TEX15: variants seen among roughly 807,000 people sequenced by gnomAD.
TEX15 encodes testis-expressed protein 15.
Under a neutral mutation model 237.3 loss-of-function variants are expected in TEX15, and 171 were observed. That is an observed-to-expected ratio of 0.72 (90% CI 0.64 to 0.82). The LOEUF (loss-of-function observed/expected upper bound fraction) is 0.82. Ranked by LOEUF, TEX15 falls within the 40% of genes least tolerant of loss-of-function variation. TEX15 has a pLI of 0.00. For synonymous variants in TEX15, 1,338 were observed against 1,269.8 expected (o/e 1.05, Z -1.14); for missense variants, 3,750 against 3,646.5 (o/e 1.03, Z -0.73).
intron 4 of TEX15, among the ~76,000 whole-genome samples, chr8:30,872,873 A>G (rs1290764927): frequency 2.0e-5 from 3 of 152,228 alleles, no homozygotes; most frequent in African/African-American, 7.2e-5. Context: ...TTAGACTTTT[A>G]AAGTTTATAA....
chr8:30,863,888 T>C (rs553382867), intron 5 of TEX15, among the ~76,000 whole-genome samples: 2 of 151,654 alleles, frequency 1.3e-5, no homozygotes, highest in African/African-American at 2.4e-5. Flanking sequence ...CATTATTAGA[T>C]GAAATGTCCA....
chr8:30,892,240 A>C (rs1288235298), intron 2 of TEX15, among the ~76,000 whole-genome samples: 2 of 152,194 alleles, frequency 1.3e-5, no homozygotes, highest in Non-Finnish European at 2.9e-5. Flanking sequence ...GCATTTTTTA[A>C]AACAACCTTT....
In TEX15 at chr8:30,842,521, GA is replaced by G. The variant is rs935112884; in HGVS notation, c.7645del (p.Ser2549GlnfsTer3). 1 of 1,611,236 alleles carries G rather than the reference GA, an allele frequency of 6.2e-7. No individual in the cohort carries two copies. The highest frequency in any genetic ancestry group is 1.3e-5 in the African/African-American group (1 of 74,816). On this transcript the variant is annotated frameshift_variant, in exon 8 of 11. Coordinates refer to ENST00000643185, the MANE Select transcript of TEX15 (RefSeq NM_001350162.2). LOFTEE classifies it high-confidence loss of function. ...CTTCTTCAGAAGCTTTTTTATTTCT[GA>G]AAGTTCTTGAAGTTCTCTTGAGAGC... ...HLLSRELQEL[S>X]EIKKLLKKSK...
intron 1 of TEX15, among the ~76,000 whole-genome samples, chr8:30,907,701 C>A (rs1479909651): frequency 8.8e-5 from 10 of 114,070 alleles, no homozygotes; most frequent in South Asian, 2.7e-4. Flanking sequence ...ATATAAAATA[C>A]ATATAAATTA....
Position 30,846,809 on chromosome 8 carries a change from TG to T in TEX15, c.3357del (p.Thr1120GlnfsTer58). 1 of 1,613,932 alleles carries T rather than the reference TG, an allele frequency of 6.2e-7. No individual in the cohort carries two copies. The highest frequency in any genetic ancestry group is 8.5e-7 in the Non-Finnish European group (1 of 1,179,822). On this transcript the variant is annotated frameshift_variant, in exon 8 of 11. Coordinates refer to ENST00000643185, the MANE Select transcript of TEX15 (RefSeq NM_001350162.2). LOFTEE classifies it high-confidence loss of function. ...TGCTGATCACTATTCTCCCTTCCTGTGGTGCTTTCCAAAACTTCCATCTCCC... is the reference window on the plus strand; with the variant it reads ...TGCTGATCACTATTCTCCCTTCCTGTGTGCTTTCCAAAACTTCCATCTCCC... The part of the protein sequence containing the change: ...DNGEMEVLES[T>X]TGRENSDQHY...
chr8:30,911,981 G>C (rs915901822), intron 1 of TEX15, among the ~76,000 whole-genome samples: 25 of 152,296 alleles, frequency 1.6e-4, no homozygotes, highest in African/African-American at 5.5e-4. Flanking sequence ...AGAGCCACCA[G>C]GGCGAAGCAG....
At position 30,842,472 on chromosome 8, in the gene TEX15, A is replaced by G. The variant is rs1047460512; in HGVS notation, c.7695T>C (p.Tyr2565=). The G allele has an allele frequency of 1.9e-6, 3 of 1,613,286 alleles. No individual in the cohort carries two copies. The highest frequency in any genetic ancestry group is 1.1e-5 in the South Asian group (1 of 90,922). ...LKKSKYFIST[Y]IDFVPYIASI... is the part of the protein sequence containing the mutation. Reference sequence around the variant, plus strand: ...ATGCTATATATGGCACAAAGTCAATATATGTGGAAATAAAATACTTGGACT... The same window carrying G: ...ATGCTATATATGGCACAAAGTCAATGTATGTGGAAATAAAATACTTGGACT... Residue 2565 remains tyrosine, a synonymous_variant, in exon 8 of 11, where the codon TAT becomes TAC. Transcript: ENST00000643185.
At chr8:30,859,667 T>TCCTTCTC (rs1807998315) in intron 6 of TEX15, among the ~76,000 whole-genome samples, 1 of 152,174 alleles carries the variant, frequency 6.6e-6, no homozygotes, top group East Asian at 1.9e-4. Context: ...TGAAAGTTAG[T>TCCTTCTC]AATTAATCTA....
intron 5 of TEX15, among the ~76,000 whole-genome samples, chr8:30,862,034 C>CAGGCATTCTT (rs1808062152): frequency 6.6e-6 from 1 of 152,054 alleles, no homozygotes; most frequent in Non-Finnish European, 1.5e-5. Flanking sequence ...TGTGAGATAA[C>CAGGCATTCTT]AGGCATTCTT....
At position 30,838,697 on chromosome 8, in the gene TEX15, T is replaced by C. The variant is rs571508748; in HGVS notation, c.8223-636A>G. 2.0e-3 allele frequency among the ~76,000 whole-genome samples: 271 copies of C among 134,952 alleles called. 1 individual carries two copies. The highest frequency in any genetic ancestry group is 5.5e-3 in the African/African-American group (202 of 36,486). The allele number at this position is 134,952 out of a possible 152,430, so 88.5% of individuals were successfully genotyped here. A position where few individuals can be genotyped will look rare whatever the true frequency, so the allele number is the denominator to read the frequency against. On this transcript the variant is annotated intron_variant, in intron 9 of 10. Transcript: ENST00000643185. ...TAGGTCCCTGAGGTAATTATATATA[T>C]ACACACACACACACACACACATATA... is the stretch of plus-strand genomic sequence containing the variant.
intron 9 of TEX15, among the ~76,000 whole-genome samples, chr8:30,839,013 A>G (rs1346980765): frequency 6.6e-6 from 1 of 151,564 alleles, no homozygotes; most frequent in African/African-American, 2.4e-5. Context: ...ATAGTGTTTC[A>G]CCATGTTGGT....
chr8:30,880,664 T>C (rs1808500891), intron 3 of TEX15, among the ~76,000 whole-genome samples: 1 of 152,236 alleles, frequency 6.6e-6, no homozygotes. Flanking sequence ...ATATAATACG[T>C]ACATAAAATT....
chr8:30,893,388 G>C (rs911082569), intron 2 of TEX15, among the ~76,000 whole-genome samples: 3 of 152,130 alleles, frequency 2.0e-5, no homozygotes, highest in Non-Finnish European at 4.4e-5. Flanking sequence ...TAATAATTTA[G>C]CTTCATCAAC....
rs779055244 is a variant in TEX15, at chr8:30,842,505, A to C, written c.7662T>G (p.Leu2554=). The C allele has an allele frequency of 3.7e-6, 6 of 1,612,332 alleles. No homozygotes were observed. The highest frequency in any genetic ancestry group is 4.5e-5 in the East Asian group (2 of 44,840). ...AAATAAAATACTTGGACTTCTTCAG[A>C]AGCTTTTTTATTTCTGAAAGTTCTT... is the stretch of plus-strand genomic sequence containing the variant. ...ELQELSEIKK[L]LKKSKYFIST... The change falls in exon 8 of 11, where the codon CTT becomes CTG. Residue 2554 remains leucine (L), a synonymous_variant. Coordinates refer to ENST00000643185, the MANE Select transcript of TEX15 (RefSeq NM_001350162.2).
At chr8:30,893,742 A>G (rs986818172) in intron 2 of TEX15, among the ~76,000 whole-genome samples, 24 of 152,176 alleles carry the variant, frequency 1.6e-4, no homozygotes, top group Non-Finnish European at 7.4e-5. Context: ...GGCAGCTTTT[A>G]GTATCATCTT....
intron 1 of TEX15, among the ~76,000 whole-genome samples, chr8:30,907,346 C>T (rs1809123618): frequency 1.3e-5 from 2 of 151,572 alleles, no homozygotes; most frequent in South Asian, 4.2e-4. Flanking sequence ...GTTTTCTGCA[C>T]GCTTGAACTC....
chr8:30,885,936 T>C (rs1260454364), intron 3 of TEX15, among the ~76,000 whole-genome samples: 3 of 152,244 alleles, frequency 2.0e-5, no homozygotes, highest in Non-Finnish European at 4.4e-5. Context: ...TTCATTTCTT[T>C]GATGAGATTT....
intron 7 of TEX15, among the ~76,000 whole-genome samples, chr8:30,850,977 A>G (rs1280889258): frequency 6.6e-6 from 1 of 152,220 alleles, no homozygotes; most frequent in Non-Finnish European, 1.5e-5. Context: ...ATTTGAAAGA[A>G]TGATTAATAC....
intron 8 of TEX15, among the ~76,000 whole-genome samples, chr8:30,840,170 T>C (rs566510492): frequency 6.6e-6 from 1 of 152,134 alleles, no homozygotes; most frequent in African/African-American, 2.4e-5. Flanking sequence ...TTAAAAAAAA[T>C]AAATTTGTAA....
Sources: gnomAD v4.1 joint callset for allele counts (sites outside exome capture counted in the v4.1 genomes callset) on GRCh38, gnomAD v4.1.1 for gene constraint, MANE v1.5 for transcripts, NCBI Gene and HGNC (gene_info 2026-07-23, HGNC 2026-07-21) for gene names.